The following USHBP1 variants were observed in gnomAD, a reference collection of about 807,000 sequenced individuals.
USHBP1 encodes harmonin-binding protein USHBP1.
In USHBP1, 67 loss-of-function variants were observed where a neutral mutation model predicts 76.2. The observed-to-expected ratio is 0.88, with a 90% CI of 0.72 to 1.08. USHBP1 has a LOEUF of 1.08. Ranked by LOEUF, USHBP1 falls within the 50% of genes least tolerant of loss-of-function variation. The probability of loss-of-function intolerance (pLI) is 0.00; values close to 1 mark genes in which losing one functional copy is unlikely to be tolerated. For missense variants in USHBP1, 931 were observed against 915.0 expected (o/e 1.02, Z -0.23); for synonymous variants, 322 against 362.2 (o/e 0.89, Z 1.26).
intron 8 of USHBP1, 107 bp from the exon 9 acceptor site, chr19:17,256,827 T>C (rs1408687454): frequency 1.1e-5 from 16 of 1,491,476 alleles, no homozygotes; most frequent in Non-Finnish European, 1.5e-5. Flanking sequence ...CTGGCCACGA[T>C]GGAATCTATG....
At chr19:17,251,463 C>T (rs889521934) in intron 12 of USHBP1, 119 bp downstream of exon 12, 10 of 1,396,932 alleles carry the variant, frequency 7.2e-6, no homozygotes, top group East Asian at 2.4e-5. Context: ...CACACCTGAC[C>T]GTTACTGCCT....
At chr19:17,260,294 G>A (rs183839081) in intron 4 of USHBP1, among the ~76,000 whole-genome samples, 2 of 152,232 alleles carry the variant, frequency 1.3e-5, no homozygotes, top group African/African-American at 4.8e-5. Flanking sequence ...CCTAAGATGA[G>A]GGCTTCCCTC....
At chr19:17,251,517 G>A in intron 12 of USHBP1, 65 bp downstream of exon 12, 1 of 1,600,236 alleles carries the variant, frequency 6.2e-7, no homozygotes, top group Non-Finnish European at 8.5e-7. Context: ...GACAGCCAGG[G>A]ATACTTCTGA....
chr19:17,263,922 G>C, intron 3 of USHBP1, 80 bp downstream of exon 3: 1 of 1,437,282 alleles, frequency 7.0e-7, no homozygotes, highest in Non-Finnish European at 9.1e-7. Flanking sequence ...TGTGTGAGCA[G>C]AGCAGGCACA....
chr19:17,259,895 A>T lies in USHBP1; in HGVS notation c.768+2T>A. On this transcript the variant is annotated splice_donor_variant, in intron 5 of 12. Coordinates refer to ENST00000252597, the MANE Select transcript of USHBP1 (RefSeq NM_031941.4). LOFTEE classifies it high-confidence loss of function. Reference sequence around the variant, plus strand: ...CCATGGGATTGAACTTCTCGCACTCACCTGAGTCTCCCAGGGTTCCCTGTC... The same window carrying T: ...CCATGGGATTGAACTTCTCGCACTCTCCTGAGTCTCCCAGGGTTCCCTGTC... 6.2e-7 allele frequency: 1 copy of T among 1,613,224 alleles called. No individual in the cohort carries two copies. Among genetic ancestry groups the T allele is most frequent in the Non-Finnish European group, 8.5e-7 (1 of 1,179,434 alleles).
chr19:17,254,471 C>T (rs1245943841), intron 10 of USHBP1, among the ~76,000 whole-genome samples: 2 of 151,258 alleles, frequency 1.3e-5, no homozygotes, highest in Admixed American at 6.6e-5. Flanking sequence ...GCCTTAGTAA[C>T]ATGGGGAAAC....
rs1235374881 is a variant in USHBP1 at position 17,255,372 on chromosome 19, C to G, written c.1692+13G>C. Reference sequence around the variant, plus strand: ...AAGCTACTCCCCTACCAGGTTCAGGCAGGGCAGCTCACCTGATACCACTCT... The same window carrying G: ...AAGCTACTCCCCTACCAGGTTCAGGGAGGGCAGCTCACCTGATACCACTCT... On this transcript the variant is annotated intron_variant, in intron 10 of 12. Transcript: ENST00000252597. 39 of 1,609,462 alleles carry G rather than the reference C, an allele frequency of 2.4e-5. No individual in the cohort carries two copies. The highest frequency in any genetic ancestry group is 3.2e-5 in the Non-Finnish European group (38 of 1,176,440).
chr19:17,259,949 G>A lies in USHBP1; in HGVS notation c.716C>T (p.Ser239Leu), dbSNP rs2073668263. The stretch of plus-strand genomic sequence containing the variant: ...CTCAGAGCTGCTAGAACCACTGCCT[G>A]AGCCACCTGCTTGGTTGTGGGAAAG... ...PHLSHNQAGG[S>L]GSGSSSSEAD... Residue 239 changes from serine (S) to leucine (L), a missense_variant, in exon 5 of 13, where the codon TCA (serine) becomes TTA (leucine). Transcript: ENST00000252597. 6.2e-7 allele frequency: 1 copy of A among 1,614,068 alleles called. No individual in the cohort carries two copies. The highest frequency in any genetic ancestry group is 1.7e-5 in the Admixed American group (1 of 59,994).
chr19:17,251,729 G>T (rs1410631399), intron 11 of USHBP1, 25 bp from the exon 12 acceptor site: 9 of 1,610,164 alleles, frequency 5.6e-6, no homozygotes, highest in South Asian at 3.3e-5. Flanking sequence ...AAGAGAGGGG[G>T]CTCACAGCCC....
At chr19:17,255,837 T>C (rs1298867986) in intron 9 of USHBP1, among the ~76,000 whole-genome samples, 1 of 151,910 alleles carries the variant, frequency 6.6e-6, no homozygotes, top group African/African-American at 2.4e-5. Flanking sequence ...CCCGTCTCCA[T>C]TAAAAATACA....
rs191632282 is a variant in USHBP1 at position 17,259,889 on chromosome 19, G to C, written c.768+8C>G. On this transcript the variant is annotated splice_region_variant and intron_variant, in intron 5 of 12. Transcript: ENST00000252597. ...TCAAGACCATGGGATTGAACTTCTC[G>C]CACTCACCTGAGTCTCCCAGGGTTC... 2 of 1,612,144 alleles carry C rather than the reference G, an allele frequency of 1.2e-6. No individual in the cohort carries two copies. Among genetic ancestry groups the C allele is most frequent in the South Asian group, 2.2e-5 (2 of 91,012 alleles).
In USHBP1 at chr19:17,262,707, G is replaced by C. The variant is rs749996716; in HGVS notation, c.487C>G (p.Gln163Glu). 3.7e-6 allele frequency: 6 copies of C among 1,614,036 alleles called. No homozygotes were observed. Among genetic ancestry groups the C allele is most frequent in the Non-Finnish European group, 5.1e-6 (6 of 1,180,040 alleles). Residue 163 changes from glutamine (Q) to glutamate (E), a missense_variant, in exon 4 of 13, where the codon CAG (glutamine) becomes GAG (glutamate). By Grantham distance (29) the Gln-to-Glu change is conservative. Transcript: ENST00000252597. ...CGCTGGCAGCTCCCTGCCCCTTCCT[G>C]CTTCCCAAGGGAACCTGCTCCCCCT... is the stretch of plus-strand genomic sequence containing the variant. The part of the protein sequence containing the change: ...SEGGAGSLGK[Q>E]EGAGSCQREA...
At position 17,259,542 on chromosome 19, in the gene USHBP1, C is replaced by T. The variant is rs926984177; in HGVS notation, c.905+54G>A. ...CAGCTTCAGACTCCTGGCTTTATAA[C>T]TCAGTTGGAGGAGGTGCCTGTGCCC... On this transcript the variant is annotated intron_variant, in intron 6 of 12. Coordinates refer to ENST00000252597, the MANE Select transcript of USHBP1 (RefSeq NM_031941.4). 46 of 1,602,518 alleles carry T rather than the reference C, an allele frequency of 2.9e-5. No individual in the cohort carries two copies. In the African/African-American group the frequency reaches 5.9e-4, roughly 21 times the overall value.
chr19:17,252,106 G>A (rs2073560442), intron 10 of USHBP1, 89 bp from the exon 11 acceptor site: 2 of 1,220,952 alleles, frequency 1.6e-6, no homozygotes, highest in Admixed American at 4.0e-5. Context: ...CCCAGACAGT[G>A]GCAGCTGCTG....
In USHBP1 at chr19:17,259,305, G is replaced by A; in HGVS notation, c.1030C>T (p.Leu344=). Reference sequence around the variant, plus strand: ...TGCACTGACCTGTACTGCAAGGCCAGATGCAATGCTGTGGCCTCAGCCTCC... The same window carrying A: ...TGCACTGACCTGTACTGCAAGGCCAAATGCAATGCTGTGGCCTCAGCCTCC... ...QREAEATALH[L]ALQYSEHCEE... The change falls in exon 7 of 13, where the codon CTG becomes TTG. Residue 344 remains leucine (L), a synonymous_variant. Coordinates refer to ENST00000252597, the MANE Select transcript of USHBP1 (RefSeq NM_031941.4). 4 of 1,613,260 alleles carry A rather than the reference G, an allele frequency of 2.5e-6. No individual in the cohort carries two copies. The highest frequency in any genetic ancestry group is 2.5e-6 in the Non-Finnish European group (3 of 1,179,718).
chr19:17,264,274 CGGGG>C lies in USHBP1; in HGVS notation c.22_25del (p.Pro8GlufsTer39). On this transcript the variant is annotated frameshift_variant, in exon 2 of 13. Coordinates refer to ENST00000252597, the MANE Select transcript of USHBP1 (RefSeq NM_031941.4). LOFTEE classifies it high-confidence loss of function. ...TGGAGCATGCCTCCCTCGCCGGCTT[CGGGG>C]CCGCGTGGCCCGGGCACTCATTGCT... is the stretch of plus-strand genomic sequence containing the variant. 3 of 1,613,570 alleles carry C rather than the reference CGGGG, an allele frequency of 1.9e-6. No individual in the cohort carries two copies. The South Asian group carries it at 3.3e-5, about 18-fold the overall frequency.
intron 8 of USHBP1, 82 bp downstream of exon 8, chr19:17,258,130 C>T (rs547050703): frequency 1.6e-5 from 26 of 1,588,738 alleles, no homozygotes; most frequent in Admixed American, 1.2e-4. Flanking sequence ...AGCCCCGAAA[C>T]GTGGTGAGCT....
At chr19:17,263,960 C>T (rs372157503) in intron 3 of USHBP1, 42 bp downstream of exon 3, 10 of 1,488,342 alleles carry the variant, frequency 6.7e-6, no homozygotes, top group East Asian at 4.7e-5. Flanking sequence ...GGCAAAGATG[C>T]GTCTGGACTG....
rs374235282 is a variant in USHBP1, at chr19:17,262,690, G to T, written c.504C>A (p.Ser168Arg). ...CCAGGCGAGCTGCCTCTCGCTGGCA[G>T]CTCCCTGCCCCTTCCTGCTTCCCAA... ...GSLGKQEGAG[S>R]CQREAARLAE... is the part of the protein sequence containing the mutation. Residue 168 changes from serine to arginine, a missense_variant, in exon 4 of 13, where the codon AGC becomes AGA. Physicochemically the swap from Ser to Arg is moderately radical, Grantham distance 110. Transcript: ENST00000252597. 2 of 1,614,128 alleles carry T rather than the reference G, an allele frequency of 1.2e-6. No individual in the cohort carries two copies. Among genetic ancestry groups the T allele is most frequent in the Admixed American group, 3.3e-5 (2 of 60,014 alleles).
Sources: allele counts gnomAD v4.1 joint callset (sites outside exome capture counted in the v4.1 genomes callset), GRCh38; gene constraint gnomAD v4.1.1; transcripts MANE v1.5; gene names NCBI Gene and HGNC (gene_info 2026-07-23, HGNC 2026-07-21).